Variants in RGSL1 observed in about 807,000 individuals in gnomAD.
RGSL1 encodes the protein regulator of G protein signaling like 1.
A neutral mutation model predicts 124.7 loss-of-function variants in RGSL1; 97 were observed. That is an observed-to-expected ratio of 0.78 (90% confidence interval 0.66 to 0.92). The LOEUF is 0.92. RGSL1 is among the 40% of genes least tolerant of loss of function. The pLI, the probability that RGSL1 is intolerant of heterozygous loss-of-function variation, is 0.00. For missense variants in RGSL1, 1,233 were observed against 1,288.4 expected (o/e 0.96, Z 0.66); for synonymous variants, 424 against 438.1 (o/e 0.97, Z 0.40).
intron 14 of RGSL1, 44 bp downstream of exon 14, chr1:182,532,835 A>G (rs1256848041): frequency 2.6e-6 from 4 of 1,529,598 alleles, no homozygotes; most frequent in Middle Eastern, 1.7e-4. Flanking sequence ...TTGATATTTT[A>G]GCCATGAGGG....
chr1:182,511,422 C>T (rs564780671), intron 9 of RGSL1, among the ~76,000 whole-genome samples: 33 of 152,300 alleles, frequency 2.2e-4, no homozygotes, highest in African/African-American at 7.7e-4. Context: ...TCTCGGCTTC[C>T]CTAAGAGCTG....
At chr1:182,451,802 C>T (rs1651865049) in intron 1 of RGSL1, among the ~76,000 whole-genome samples, 1 of 151,178 alleles carries the variant, frequency 6.6e-6, no homozygotes, top group Non-Finnish European at 1.5e-5. Context: ...GAGGTGGGAG[C>T]TAGGGAGACC....
chr1:182,492,981 T>C (rs1373954730), intron 8 of RGSL1, 41 bp from the exon 9 acceptor site: 2 of 1,347,818 alleles, frequency 1.5e-6, no homozygotes, highest in Admixed American at 4.0e-5. Context: ...ACCCAGACTT[T>C]GGACAACTAA....
chr1:182,516,959 T>C (rs1657942940), intron 9 of RGSL1, among the ~76,000 whole-genome samples: 1 of 152,208 alleles, frequency 6.6e-6, no homozygotes, highest in Non-Finnish European at 1.5e-5. Flanking sequence ...TCAAATGTTT[T>C]TTCATTTGTT....
chr1:182,488,907 G>A (rs1571553353), intron 7 of RGSL1, 73 bp from the exon 8 acceptor site: 4 of 1,237,822 alleles, frequency 3.2e-6, no homozygotes, highest in Non-Finnish European at 4.6e-6. Flanking sequence ...GGAGCACTGA[G>A]TTATTACAAA....
upstream of RGSL1, among the ~76,000 whole-genome samples, chr1:182,449,564 T>A (rs922045316): frequency 4.7e-4 from 71 of 152,316 alleles, no homozygotes; most frequent in African/African-American, 1.5e-3. Flanking sequence ...AAGAGTTGTT[T>A]AATGAGAAAA....
chr1:182,491,425 G>A (rs1215964710), intron 8 of RGSL1, among the ~76,000 whole-genome samples: 1 of 151,978 alleles, frequency 6.6e-6, no homozygotes, highest in East Asian at 1.9e-4. Flanking sequence ...ATGTTGGCCA[G>A]GCTGGTCTCG....
chr1:182,533,275 T>A (rs918007075), intron 14 of RGSL1, among the ~76,000 whole-genome samples: 5 of 122,726 alleles, frequency 4.1e-5, no homozygotes, highest in Non-Finnish European at 6.3e-5. Context: ...TGATGCCACA[T>A]ATTTGATTTG....
chr1:182,450,228 G>A (rs1651704161), intron 1 of RGSL1, 50 bp downstream of exon 1: 1 of 1,548,774 alleles, frequency 6.5e-7, no homozygotes, highest in African/African-American at 1.4e-5. Flanking sequence ...CTCAAATAAG[G>A]CAAACCATTC....
intron 10 of RGSL1, among the ~76,000 whole-genome samples, chr1:182,523,711 A>C (rs2102243615): frequency 6.6e-6 from 1 of 152,334 alleles, no homozygotes; most frequent in South Asian, 2.1e-4. Flanking sequence ...TTATTCAATA[A>C]GTAAATGACT....
intron 1 of RGSL1, chr1:182,450,423 A>G: frequency 1.8e-6 from 1 of 565,652 alleles, no homozygotes; most frequent in Non-Finnish European, 3.2e-6. Context: ...GAGGAAGTAA[A>G]ATGTGGATTG....
intron 20 of RGSL1, 98 bp downstream of exon 20, chr1:182,554,791 C>T: frequency 8.7e-7 from 1 of 1,155,178 alleles, no homozygotes; most frequent in South Asian, 1.3e-5. Flanking sequence ...TAGCCTCATA[C>T]CCTGCCTCTC....
intron 15 of RGSL1, among the ~76,000 whole-genome samples, chr1:182,543,956 T>C (rs977987602): frequency 6.6e-6 from 1 of 152,030 alleles, no homozygotes. Flanking sequence ...AAAACTAACT[T>C]TTTGTTTCAT....
intron 9 of RGSL1, among the ~76,000 whole-genome samples, chr1:182,520,802 T>C (rs1457197023): frequency 6.6e-6 from 1 of 152,224 alleles, no homozygotes; most frequent in Non-Finnish European, 1.5e-5. Context: ...CTATTGCTTT[T>C]AATACTTTCT....
chr1:182,531,024 C>A, intron 13 of RGSL1, 114 bp downstream of exon 13: 1 of 1,236,240 alleles, frequency 8.1e-7, no homozygotes, highest in Non-Finnish European at 1.1e-6. Context: ...AGATAAATTA[C>A]TATACTAGGA....
At chr1:182,541,064 T>C (rs994264907) in intron 15 of RGSL1, among the ~76,000 whole-genome samples, 3 of 152,180 alleles carry the variant, frequency 2.0e-5, no homozygotes, top group African/African-American at 7.2e-5. Flanking sequence ...GGGATATCCA[T>C]CATCTTCCTT....
intron 10 of RGSL1, among the ~76,000 whole-genome samples, chr1:182,523,865 A>G (rs1485037997): frequency 6.6e-6 from 1 of 152,230 alleles, no homozygotes; most frequent in Non-Finnish European, 1.5e-5. Context: ...TTAGCTAATT[A>G]CTATGGGAGT....
chr1:182,538,098 G>C (rs1379258410), intron 14 of RGSL1, among the ~76,000 whole-genome samples: 1 of 152,172 alleles, frequency 6.6e-6, no homozygotes, highest in Non-Finnish European at 1.5e-5. Flanking sequence ...AGTGATCACT[G>C]TCCTTAATTC....
rs968078228 is a variant in RGSL1, at chr1:182,489,006, A to G, written c.1521A>G (p.Arg507=). 6.4e-7 allele frequency: 1 copy of G among 1,551,136 alleles called. No individual in the cohort carries two copies. Among genetic ancestry groups the G allele is most frequent in the Admixed American group, 2.0e-5 (1 of 51,006 alleles). Residue 507 remains arginine, a synonymous_variant, in exon 8 of 22, where the codon AGA becomes AGG. Transcript: ENST00000294854. ...FTTQNRFISS[R]QHKREFIGKE... is the part of the protein sequence containing the mutation. ...CACAGAACAGGTTCATCAGCTCCAG[A>G]CAGCATAAAAGAGAATTTATAGGCA...
Sources: allele counts gnomAD v4.1 joint callset (sites outside exome capture counted in the v4.1 genomes callset), GRCh38; gene constraint gnomAD v4.1.1; transcripts MANE v1.5; gene names NCBI Gene and HGNC (gene_info 2026-07-23, HGNC 2026-07-21).